Variants in TLN2 observed in about 807,000 individuals in gnomAD.
The protein encoded by TLN2 is talin 2, also known as talin-2.
Under a neutral mutation model 294.7 loss-of-function variants are expected in TLN2, and 118 were observed. That is an observed-to-expected ratio of 0.40 (90% CI 0.34 to 0.47). The LOEUF (loss-of-function observed/expected upper bound fraction) is 0.47, where lower values mean the gene tolerates loss of function less well. Among genes scored for constraint, TLN2 ranks in the 20% least tolerant of loss-of-function variants. The pLI is 0.84. For synonymous variants in TLN2, 1,431 were observed against 1,304.5 expected, an observed-to-expected ratio of 1.10 and a Z score of -2.09; for missense variants, 3,083 against 3,282.2, an observed-to-expected ratio of 0.94 and a Z score of 1.48.
At chr15:62,561,376 C>A (rs940235526) in intron 1 of TLN2, 1 of 152,264 alleles carries the variant, frequency 6.6e-6, no homozygotes, top group Non-Finnish European at 1.5e-5. Context: ...TTCATTTCCT[C>A]AAGCTCCCTC....
chr15:62,465,104 GTTTTTT>G (rs57890839), intron 1 of TLN2, among the ~76,000 whole-genome samples: 2 of 85,514 alleles, frequency 2.3e-5, no homozygotes, highest in Non-Finnish European at 2.1e-5. Flanking sequence ...TGGTGAGCGC[GTTTTTT>G]TTTTTTTTTT....
chr15:62,638,310 G>A (rs567661602), intron 3 of TLN2: 20 of 350,322 alleles, frequency 5.7e-5, no homozygotes, highest in South Asian at 4.0e-4. Flanking sequence ...CAGTTGCCCG[G>A]AGGGTTCTGA....
chr15:62,539,130 C>G (rs1567072381), intron 1 of TLN2, among the ~76,000 whole-genome samples: 1 of 152,206 alleles, frequency 6.6e-6, no homozygotes. Context: ...CTGCTCTTCC[C>G]TTCTCCACCC....
intron 3 of TLN2, among the ~76,000 whole-genome samples, chr15:62,633,086 T>G (rs1000863989): frequency 1.3e-5 from 2 of 152,236 alleles, no homozygotes; most frequent in African/African-American, 4.8e-5. Flanking sequence ...TCATATCCTA[T>G]TCTCACAGAT....
intron 3 of TLN2, among the ~76,000 whole-genome samples, chr15:62,623,521 T>C (rs555796614): frequency 6.6e-6 from 1 of 152,354 alleles, no homozygotes; most frequent in East Asian, 1.9e-4. Context: ...TATGAAATCC[T>C]AGACCTTTAT....
chr15:62,783,412 C>A (rs1336794813), intron 44 of TLN2, among the ~76,000 whole-genome samples: 3 of 152,208 alleles, frequency 2.0e-5, no homozygotes, highest in South Asian at 2.1e-4. Flanking sequence ...GGTGACCCCC[C>A]AGGGCTGCGC....
chr15:62,692,750 A>G (rs867161915), intron 12 of TLN2, 90 bp from the exon 13 acceptor site: 16 of 922,674 alleles, frequency 1.7e-5, no homozygotes, highest in Middle Eastern at 4.2e-4. Flanking sequence ...AATGAAGTCT[A>G]TGTCATATTG....
chr15:62,771,133 A>T lies in TLN2; in HGVS notation c.5366A>T (p.Lys1789Met), dbSNP rs767646168. The T allele has an allele frequency of 3.1e-6, 5 of 1,608,286 alleles. No homozygotes were observed. Among genetic ancestry groups the T allele is most frequent in the South Asian group, 2.2e-5 (2 of 90,470 alleles). Residue 1789 changes from lysine to methionine, a missense_variant and splice_region_variant, in exon 42 of 59, where the codon AAG becomes ATG. By Grantham distance (95) the Lys-to-Met change is moderately conservative (BLOSUM62 -1). Coordinates refer to ENST00000636159, the MANE Select transcript of TLN2 (RefSeq NM_015059.3). ...YAAKEGGGNP[K>M]AQHTHDAITE... is the part of the protein sequence containing the mutation. ...GCCAAAGAAGGTGGCGGAAACCCCA[A>T]GGTATGGTCCAGGATATCGGGGACT... is the stretch of plus-strand genomic sequence containing the variant.
At chr15:62,626,696 C>T (rs374025921) in intron 3 of TLN2, among the ~76,000 whole-genome samples, 1 of 152,164 alleles carries the variant, frequency 6.6e-6, no homozygotes, top group Non-Finnish European at 1.5e-5. Context: ...AAAGGAGGAA[C>T]GTGAGACTCA....
chr15:62,559,127 A>G (rs1241939884), intron 1 of TLN2, among the ~76,000 whole-genome samples: 1 of 152,106 alleles, frequency 6.6e-6, no homozygotes, highest in East Asian at 1.9e-4. Context: ...AGGAGAGGAG[A>G]AATTCAGAGG....
In TLN2 at chr15:62,775,657, G is replaced by A. The variant is rs959277402; in HGVS notation, c.5368-1107G>A. 7.2e-5 allele frequency among the ~76,000 whole-genome samples: 11 copies of A among 152,276 alleles called. No homozygotes were observed. The South Asian group carries it at 8.3e-4, about 12-fold the overall frequency. ...TCTTGTATTTAGAAAATCACCCAAC[G>A]AGTTCTCGTTTACTGCTTTCCACTG... On this transcript the variant is annotated intron_variant, in intron 42 of 58. Transcript: ENST00000636159.
At chr15:62,491,878 T>C (rs772421561) in intron 1 of TLN2, among the ~76,000 whole-genome samples, 1 of 152,164 alleles carries the variant, frequency 6.6e-6, no homozygotes, top group Non-Finnish European at 1.5e-5. Flanking sequence ...TCTGTGGTCT[T>C]GTTCAGGAAT....
intron 1 of TLN2, among the ~76,000 whole-genome samples, chr15:62,447,027 T>C (rs2035856686): frequency 6.6e-6 from 1 of 152,142 alleles, no homozygotes; most frequent in Non-Finnish European, 1.5e-5. Context: ...GTTTAGAAAA[T>C]GTTGGGTCAA....
At chr15:62,614,946 T>C (rs374225420) in intron 2 of TLN2, among the ~76,000 whole-genome samples, 366 of 152,172 alleles carry the variant, frequency 2.4e-3, no homozygotes, top group African/African-American at 8.5e-3. Flanking sequence ...GCTGGGAATA[T>C]AGGTGCTCAC....
intron 1 of TLN2, among the ~76,000 whole-genome samples, chr15:62,395,779 A>C (rs766193795): frequency 3.9e-4 from 60 of 152,298 alleles, no homozygotes; most frequent in Non-Finnish European, 6.5e-4. Context: ...TAATACATAA[A>C]ATAAAAGCTA....
intron 2 of TLN2, among the ~76,000 whole-genome samples, chr15:62,603,532 A>T (rs890800962): frequency 2.0e-5 from 3 of 152,094 alleles, no homozygotes; most frequent in Non-Finnish European, 4.4e-5. Flanking sequence ...TGCTGAATTG[A>T]TGGACATTTG....
chr15:62,773,594 A>G (rs948105597), intron 42 of TLN2, among the ~76,000 whole-genome samples: 2 of 152,104 alleles, frequency 1.3e-5, no homozygotes, highest in African/African-American at 4.8e-5. Context: ...CTTTGGACAC[A>G]TATTTACTAG....
intron 1 of TLN2, among the ~76,000 whole-genome samples, chr15:62,545,012 C>T (rs891864550): frequency 1.3e-5 from 2 of 152,012 alleles, no homozygotes; most frequent in African/African-American, 4.8e-5. Context: ...TCACTGCAAG[C>T]TCCACCTCCT....
In TLN2 at chr15:62,824,162, T is replaced by C. The variant is rs544303185; in HGVS notation, c.7002+3552T>C. 1.2e-4 allele frequency: 41 copies of C among 340,610 alleles called. 1 individual carries two copies. The highest frequency in any genetic ancestry group is 4.5e-4 in the East Asian group (5 of 11,168). 21.1% of individuals were successfully genotyped at this position (340,610 alleles called of 1,614,324 possible). Reference sequence around the variant, plus strand: ...TCATGTTATCTTCCATTTCTTCTTATAGCATTTGAGACCTGTATCAGTATT... The same window carrying C: ...TCATGTTATCTTCCATTTCTTCTTACAGCATTTGAGACCTGTATCAGTATT... On this transcript the variant is annotated intron_variant, in intron 54 of 58. Transcript: ENST00000636159.
Sources: allele counts gnomAD v4.1 joint callset (sites outside exome capture counted in the v4.1 genomes callset), GRCh38; gene constraint gnomAD v4.1.1; transcripts MANE v1.5; gene names NCBI Gene and HGNC (gene_info 2026-07-23, HGNC 2026-07-21).